Variants in USP10 observed in about 807,000 individuals in gnomAD.
USP10 encodes the protein ubiquitin specific peptidase 10.
A neutral mutation model predicts 84.5 loss-of-function variants in USP10; 22 were observed. That is an observed-to-expected ratio of 0.26 (90% CI 0.19 to 0.37). The LOEUF (loss-of-function observed/expected upper bound fraction) is 0.37. Ranked by LOEUF, USP10 falls within the 10% of genes least tolerant of loss-of-function variation. USP10 has a pLI of 1.00. For missense variants in USP10, 1,019 were observed against 998.9 expected (o/e 1.02, Z -0.27); for synonymous variants, 454 against 387.6 (o/e 1.17, Z -2.01).
At chr16:84,759,867 T>G in intron 6 of USP10, 24 bp from the exon 7 acceptor site, 1 of 1,612,500 alleles carries the variant, frequency 6.2e-7, no homozygotes, top group Non-Finnish European at 8.5e-7. Context: ...ACTGCACTAT[T>G]TAACATTTTT....
chr16:84,719,211 T>G (rs1907464545), intron 1 of USP10, among the ~76,000 whole-genome samples: 1 of 152,184 alleles, frequency 6.6e-6, no homozygotes, highest in Non-Finnish European at 1.5e-5. Context: ...TTCATCAACT[T>G]TATATAGTGA....
chr16:84,758,871 G>A, intron 5 of USP10, 64 bp downstream of exon 5: 1 of 1,216,220 alleles, frequency 8.2e-7, no homozygotes, highest in Middle Eastern at 1.9e-4. Context: ...TTGGGTGCAT[G>A]TGACTTAGCT....
At chr16:84,759,248 G>A (rs1912924634) in intron 5 of USP10, 115 bp from the exon 6 acceptor site, 5 of 964,720 alleles carry the variant, frequency 5.2e-6, no homozygotes, top group Non-Finnish European at 8.1e-6. Flanking sequence ...TATCTAAGTA[G>A]TTCAACGTCC....
intron 4 of USP10, among the ~76,000 whole-genome samples, chr16:84,748,962 A>T (rs980855331): frequency 1.3e-5 from 2 of 152,234 alleles, no homozygotes; most frequent in Non-Finnish European, 2.9e-5. Context: ...GTCAGTTATG[A>T]AGATGTTTTA....
intron 1 of USP10, chr16:84,708,845 C>G (rs1178353231): frequency 2.0e-5 from 3 of 152,098 alleles, no homozygotes; most frequent in African/African-American, 4.8e-5. Context: ...ATATGAAGGA[C>G]TTTATATCTT....
At chr16:84,700,483 G>C (rs534428001) in intron 1 of USP10, among the ~76,000 whole-genome samples, 106 of 152,146 alleles carry the variant, frequency 7.0e-4, no homozygotes, top group African/African-American at 2.5e-3. Flanking sequence ...GGGGCTCCGG[G>C]AGTCCCCTGG....
chr16:84,712,939 G>A (rs1368987519), intron 1 of USP10, among the ~76,000 whole-genome samples: 1 of 152,202 alleles, frequency 6.6e-6, no homozygotes, highest in Non-Finnish European at 1.5e-5. Flanking sequence ...TGGCTGTGGG[G>A]GCTCCGTGTA....
chr16:84,768,511 A>G (rs968751515), intron 11 of USP10, among the ~76,000 whole-genome samples, 153 bp downstream of exon 11: 2 of 152,256 alleles, frequency 1.3e-5, no homozygotes, highest in African/African-American at 4.8e-5. Context: ...TGGTTTTACA[A>G]TGAAATGGTT....
intron 4 of USP10, among the ~76,000 whole-genome samples, chr16:84,756,905 A>G (rs1397669848): frequency 6.6e-6 from 1 of 152,216 alleles, no homozygotes; most frequent in Non-Finnish European, 1.5e-5. Flanking sequence ...AAAAGTAAGT[A>G]TCTGAAACCT....
At chr16:84,709,739 G>C (rs963463072) in intron 1 of USP10, among the ~76,000 whole-genome samples, 1 of 152,166 alleles carries the variant, frequency 6.6e-6, no homozygotes, top group African/African-American at 2.4e-5. Flanking sequence ...GTCTCTTGTA[G>C]AACGGTGACA....
intron 12 of USP10, among the ~76,000 whole-genome samples, chr16:84,773,421 C>A (rs1914654321): frequency 6.6e-6 from 1 of 152,166 alleles, no homozygotes; most frequent in African/African-American, 2.4e-5. Context: ...TTCTCTCCGT[C>A]CCCTGGCACA....
rs545845199 is a variant in USP10 at position 84,769,762 on chromosome 16, C to G, written c.1998+1404C>G. ...TTTCCATGGGCTGCCTAGGGAAGAC[C>G]CTTTTGTGATGTGTCTGTTTTTCTC... On this transcript the variant is annotated intron_variant, in intron 11 of 13. Coordinates refer to ENST00000219473, the MANE Select transcript of USP10 (RefSeq NM_005153.3). Among the ~76,000 whole-genome samples the G allele has an allele frequency of 1.7e-3, 264 of 152,130 alleles. 1 individual carries two copies. Among genetic ancestry groups the G allele is most frequent in the Middle Eastern group, 3.4e-3 (1 of 294 alleles).
At chr16:84,758,672 C>A in intron 4 of USP10, 44 bp from the exon 5 acceptor site, 1 of 1,333,340 alleles carries the variant, frequency 7.5e-7, no homozygotes, top group Non-Finnish European at 1.1e-6. Flanking sequence ...ATGTTCTTCA[C>A]TAGATGTCAT....
chr16:84,704,997 T>C, intron 1 of USP10: 2 of 1,275,464 alleles, frequency 1.6e-6, no homozygotes, highest in African/African-American at 1.5e-5. Context: ...CCGTCTGCGC[T>C]GTAATGGTGG....
chr16:84,774,121 G>T (rs983046081), intron 12 of USP10, among the ~76,000 whole-genome samples: 1 of 152,106 alleles, frequency 6.6e-6, no homozygotes, highest in East Asian at 1.9e-4. Context: ...ATGGTGGTGG[G>T]TGCCTGTAAT....
rs1913562036 is a variant in USP10, at chr16:84,764,228, G to A, written c.1797G>A (p.Gln599=). The change falls in exon 10 of 14, where the codon CAG becomes CAA. Residue 599 remains glutamine, a synonymous_variant. Transcript: ENST00000219473. ...TSVTRQADFV[Q]TPITGIFGGH... is the part of the protein sequence containing the mutation. ...TCACCCGCCAGGCGGATTTTGTTCA[G>A]ACTCCAATCACCGGCATTTTTGGTG... is the stretch of plus-strand genomic sequence containing the variant. 6.2e-7 allele frequency: 1 copy of A among 1,613,934 alleles called. No individual in the cohort carries two copies.
intron 1 of USP10, among the ~76,000 whole-genome samples, chr16:84,709,739 G>A (rs963463072): frequency 2.0e-5 from 3 of 152,166 alleles, no homozygotes; most frequent in Non-Finnish European, 2.9e-5. Context: ...GTCTCTTGTA[G>A]AACGGTGACA....
At chr16:84,759,127 G>A in intron 5 of USP10, among the ~76,000 whole-genome samples, 1 of 152,190 alleles carries the variant, frequency 6.6e-6, no homozygotes, top group East Asian at 1.9e-4. Flanking sequence ...AACTGTCTTG[G>A]TTAGGTCAAG....
intron 4 of USP10, among the ~76,000 whole-genome samples, chr16:84,746,137 T>C (rs947437553): frequency 6.7e-6 from 1 of 149,128 alleles, no homozygotes; most frequent in African/African-American, 2.5e-5. Flanking sequence ...ATTCAGAATT[T>C]TGATACACCA....
Sources: gnomAD v4.1 joint callset for allele counts (sites outside exome capture counted in the v4.1 genomes callset) on GRCh38, gnomAD v4.1.1 for gene constraint, MANE v1.5 for transcripts, NCBI Gene and HGNC (gene_info 2026-07-23, HGNC 2026-07-21) for gene names.